SLC9A4: variants seen among roughly 807,000 people sequenced by gnomAD.
SLC9A4 encodes the protein solute carrier family 9 member A4, also known as sodium/hydrogen exchanger 4.
Under a neutral mutation model 67.4 loss-of-function variants are expected in SLC9A4, and 63 were observed. That is an observed-to-expected ratio of 0.93 (90% CI 0.76 to 1.15). SLC9A4 has a LOEUF of 1.15. Ranked by LOEUF, SLC9A4 falls within the 50% of genes most tolerant of loss-of-function variation. The pLI, the probability that SLC9A4 is intolerant of heterozygous loss-of-function variation, is 0.00. For synonymous variants in SLC9A4, 393 were observed against 367.2 expected, an observed-to-expected ratio of 1.07 and a Z score of -0.80; for missense variants, 1,089 against 987.7, an observed-to-expected ratio of 1.10 and a Z score of -1.38.
chr2:102,487,775 G>A (rs919301772), intron 2 of SLC9A4, among the ~76,000 whole-genome samples: 2 of 152,204 alleles, frequency 1.3e-5, no homozygotes, highest in African/African-American at 4.8e-5. Flanking sequence ...AGGAGATGGG[G>A]TTGAGCAGCT....
Position 102,503,797 on chromosome 2 carries a change from C to T in SLC9A4, c.980+90C>T, listed in dbSNP as rs1290533540. 1.0e-5 allele frequency: 15 copies of T among 1,489,442 alleles called. No individual in the cohort carries two copies. The African/African-American group carries it at 2.0e-4, about 19-fold the overall frequency. The allele number at this position is 1,489,442 out of a possible 1,614,324, so 92.3% of individuals were successfully genotyped here. A position where few individuals can be genotyped will look rare whatever the true frequency, so the allele number is the denominator to read the frequency against. ...AGCCAGGCATCTGGGAAAGACATAACCAATGACGCTAACCCTCCAACATGT... is the reference window on the plus strand; with the variant it reads ...AGCCAGGCATCTGGGAAAGACATAATCAATGACGCTAACCCTCCAACATGT... On this transcript the variant is annotated intron_variant, in intron 3 of 11. Transcript: ENST00000295269.
intron 7 of SLC9A4, 146 bp from the exon 8 acceptor site, chr2:102,513,944 G>A: frequency 8.7e-7 from 1 of 1,155,436 alleles, no homozygotes; most frequent in African/African-American, 1.6e-5. Flanking sequence ...TAAAAAATGT[G>A]TTCAAATGCT....
intron 2 of SLC9A4, 99 bp from the exon 3 acceptor site, chr2:102,503,349 T>C: frequency 9.0e-7 from 1 of 1,113,834 alleles, no homozygotes. Context: ...AATTTATTTT[T>C]GTGTATTACT....
Position 102,474,039 on chromosome 2 carries a change from G to A in SLC9A4, c.256+24G>A, listed in dbSNP as rs766505113. On this transcript the variant is annotated intron_variant, in intron 1 of 11. Coordinates refer to ENST00000295269, the MANE Select transcript of SLC9A4 (RefSeq NM_001011552.4). ...AGGTAAGTCCTTAAACACCTGGTTT[G>A]GTGAGTTATCTTTTTACATAAGATA... 4 of 1,605,220 alleles carry A rather than the reference G, an allele frequency of 2.5e-6. No individual in the cohort carries two copies. In the South Asian group the frequency reaches 4.4e-5, roughly 18 times the overall value.
chr2:102,528,518 G>A (rs947848373), intron 11 of SLC9A4, among the ~76,000 whole-genome samples: 10 of 151,712 alleles, frequency 6.6e-5, no homozygotes, highest in African/African-American at 1.9e-4. Flanking sequence ...CTCCTGCCTC[G>A]CCTCCTAACA....
rs147920382 is a variant in SLC9A4 at position 102,524,556 on chromosome 2, T to TTGTG, written c.1819-442_1819-439dup. On this transcript the variant is annotated intron_variant, in intron 9 of 11. Transcript: ENST00000295269. ...GAATTGATGATAATGGTGATAGGAA[T>TTGTG]TGTGTGTGTGTGTGTGTGTGTGTGT... Among the ~76,000 whole-genome samples the TTGTG allele has an allele frequency of 2.9e-3, 424 of 145,520 alleles. 2 individuals are homozygous for TTGTG. Among genetic ancestry groups the TTGTG allele is most frequent in the East Asian group, 0.011 (53 of 5,002 alleles).
At chr2:102,479,372 C>G in intron 2 of SLC9A4, 70 bp downstream of exon 2, 1 of 1,471,454 alleles carries the variant, frequency 6.8e-7, no homozygotes, top group Non-Finnish European at 9.1e-7. Context: ...GGACCGGAGG[C>G]TGTGGAGACG....
At chr2:102,526,141 G>C (rs958834472) in intron 10 of SLC9A4, 118 bp from the exon 11 acceptor site, 6 of 1,020,078 alleles carry the variant, frequency 5.9e-6, no homozygotes, top group Non-Finnish European at 8.7e-6. Flanking sequence ...GCCCTCTTCT[G>C]CCTCCCAAAG....
intron 11 of SLC9A4, among the ~76,000 whole-genome samples, chr2:102,530,025 G>A (rs888754169): frequency 6.6e-6 from 1 of 152,182 alleles, no homozygotes; most frequent in Non-Finnish European, 1.5e-5. Flanking sequence ...ACGACAATGT[G>A]AATGCACTTC....
In SLC9A4 at chr2:102,483,841, T is replaced by TACACACACACACACACAC. The variant is rs34552153; in HGVS notation, c.720+4550_720+4551insCACACACACACACACACA. 3.8e-4 allele frequency among the ~76,000 whole-genome samples: 48 copies of TACACACACACACACACAC among 126,786 alleles called. 2 individuals are homozygous for TACACACACACACACACAC. The highest frequency in any genetic ancestry group is 1.5e-3 in the African/African-American group (47 of 32,256). The allele number at this position is 126,786 out of a possible 152,430, so 83.2% of individuals were successfully genotyped here. A position where few individuals can be genotyped will look rare whatever the true frequency, so the allele number is the denominator to read the frequency against. ...ATATATATATATATATATATATATA[T>TACACACACACACACACAC]ACACACACACAATATACACACACAT... On this transcript the variant is annotated intron_variant, in intron 2 of 11. Coordinates refer to ENST00000295269, the MANE Select transcript of SLC9A4 (RefSeq NM_001011552.4).
At position 102,473,971 on chromosome 2, in the gene SLC9A4, A is replaced by C. The variant is rs372579387; in HGVS notation, c.212A>C (p.Tyr71Ser). 131 of 1,613,964 alleles carry C rather than the reference A, an allele frequency of 8.1e-5. No individual in the cohort carries two copies. The highest frequency in any genetic ancestry group is 3.7e-4 in the Admixed American group (22 of 60,012). The change falls in exon 1 of 12, where the codon TAT becomes TCT. Residue 71 changes from tyrosine to serine, a missense_variant. Tyr to Ser is a moderately radical substitution (Grantham distance 144). Transcript: ENST00000295269. ...GATTATGACTATGTGCAAATTCCTT[A>C]TGAGGTCACTCTCTGGATACTTCTA... ...ELDYDYVQIPYEVTLWILLAS... is the reference protein window; with the variant it reads ...ELDYDYVQIPSEVTLWILLAS...
chr2:102,507,384 C>T (rs1685071581), intron 4 of SLC9A4, among the ~76,000 whole-genome samples: 1 of 152,216 alleles, frequency 6.6e-6, no homozygotes, highest in African/African-American at 2.4e-5. Context: ...GCAGGCACCA[C>T]TGCATTGGTG....
rs764521439 is a variant in SLC9A4 at position 102,478,997 on chromosome 2, G to T, written c.415G>T (p.Val139Phe). The T allele has an allele frequency of 8.1e-6, 13 of 1,613,994 alleles. No individual in the cohort carries two copies. Among genetic ancestry groups the T allele is most frequent in the Middle Eastern group, 1.6e-4 (1 of 6,084 alleles). Residue 139 changes from valine to phenylalanine, a missense_variant, in exon 2 of 12, where the codon GTT becomes TTT. Coordinates refer to ENST00000295269, the MANE Select transcript of SLC9A4 (RefSeq NM_001011552.4). Reference sequence around the variant, plus strand: ...CTTCCTGTATCTCCTGCCACCCATCGTTCTGGAGGGCGGCTACTTCATGCC... The same window carrying T: ...CTTCCTGTATCTCCTGCCACCCATCTTTCTGGAGGGCGGCTACTTCATGCC... ...IYFLYLLPPI[V>F]LEGGYFMPTR...
chr2:102,508,102 A>G lies in SLC9A4; in HGVS notation c.1222A>G (p.Ser408Gly), dbSNP rs761064011. 3.1e-6 allele frequency: 5 copies of G among 1,614,184 alleles called. No homozygotes were observed. The highest frequency in any genetic ancestry group is 2.2e-5 in the East Asian group (1 of 44,878). Residue 408 changes from serine to glycine, a missense_variant, in exon 5 of 12, where the codon AGT (serine) becomes GGT (glycine). By Grantham distance (56) the Ser-to-Gly change is moderately conservative (BLOSUM62 0). Transcript: ENST00000295269. ...AGGCGTATTTGCTCTCTTCTATATC[A>G]GTAACCAGTTTCGGACTTTCCCCTT... ...AISVFALFYISNQFRTFPFSI... is the reference protein window; with the variant it reads ...AISVFALFYIGNQFRTFPFSI...
intron 2 of SLC9A4, among the ~76,000 whole-genome samples, chr2:102,498,843 G>T (rs1346551323): frequency 6.6e-6 from 1 of 152,182 alleles, no homozygotes; most frequent in Non-Finnish European, 1.5e-5. Flanking sequence ...GTTTTGTAAA[G>T]TGTGATTGAT....
At chr2:102,518,920 T>C (rs767124156) in intron 8 of SLC9A4, among the ~76,000 whole-genome samples, 5 of 152,290 alleles carry the variant, frequency 3.3e-5, no homozygotes, top group East Asian at 1.9e-4. Context: ...AGGAAGGTGA[T>C]AGTATTAAAA....
At chr2:102,476,952 G>A (rs941857113) in intron 1 of SLC9A4, among the ~76,000 whole-genome samples, 1 of 152,176 alleles carries the variant, frequency 6.6e-6, no homozygotes, top group African/African-American at 2.4e-5. Context: ...AATGAAAGTG[G>A]GGATGGTATT....
chr2:102,491,822 A>G (rs1162783352), intron 2 of SLC9A4, among the ~76,000 whole-genome samples: 3 of 152,236 alleles, frequency 2.0e-5, no homozygotes, highest in Non-Finnish European at 2.9e-5. Context: ...CCAAAGTCTC[A>G]TCTCAGACAA....
intron 3 of SLC9A4, among the ~76,000 whole-genome samples, chr2:102,504,049 T>A (rs1012186187): frequency 1.3e-5 from 2 of 152,142 alleles, no homozygotes; most frequent in Non-Finnish European, 2.9e-5. Flanking sequence ...CCTTGAAAAG[T>A]GTTTTTTTGT....
Sources: allele counts gnomAD v4.1 joint callset (sites outside exome capture counted in the v4.1 genomes callset), GRCh38; gene constraint gnomAD v4.1.1; transcripts MANE v1.5; gene names NCBI Gene and HGNC (gene_info 2026-07-23, HGNC 2026-07-21).